Variants in ENOX1 observed in about 807,000 individuals in gnomAD.
The protein encoded by ENOX1 is ecto-NOX disulfide-thiol exchanger 1, also known as candidate growth-related and time keeping constitutive hydroquinone (NADH) oxidase.
ENOX1 carries 42 observed loss-of-function variants against 82.5 expected under a neutral mutation model. The ratio of observed to expected loss-of-function variants is 0.51; its 90% CI spans 0.40 to 0.66. The LOEUF is 0.66. Ranked by LOEUF, ENOX1 falls within the 30% of genes least tolerant of loss-of-function variation. The pLI is 0.00. For synonymous variants in ENOX1, 271 were observed against 282.2 expected, an observed-to-expected ratio of 0.96 and a Z score of 0.40; for missense variants, 608 against 811.6, an observed-to-expected ratio of 0.75 and a Z score of 3.05.
chr13:43,337,352 G>A lies in ENOX1; in HGVS notation c.1036+7186C>T, dbSNP rs1258703900. 2.0e-5 allele frequency among the ~76,000 whole-genome samples: 3 copies of A among 152,130 alleles called. 1 individual carries two copies. Among genetic ancestry groups the A allele is most frequent in the Non-Finnish European group, 4.4e-5 (3 of 68,032 alleles). On this transcript the variant is annotated intron_variant, in intron 9 of 16. Transcript: ENST00000690772. Reference sequence around the variant, plus strand: ...CTATTTAGCCTAAAATCTTGCTAGAGGGAAAATCAAGCAAACAAACCAATA... The same window carrying A: ...CTATTTAGCCTAAAATCTTGCTAGAAGGAAAATCAAGCAAACAAACCAATA...
chr13:43,723,763 G>T (rs1208578671), intron 1 of ENOX1, among the ~76,000 whole-genome samples: 4 of 150,482 alleles, frequency 2.7e-5, no homozygotes, highest in Non-Finnish European at 5.9e-5. Context: ...CTATACAAAT[G>T]CCTGAATCTA....
intron 2 of ENOX1, among the ~76,000 whole-genome samples, chr13:43,500,940 A>C (rs1206941374): frequency 6.6e-6 from 1 of 151,920 alleles, no homozygotes; most frequent in Non-Finnish European, 1.5e-5. Flanking sequence ...AAAAGATAGA[A>C]TAAAAGCTTA....
At chr13:43,250,372 G>A (rs764077844) in intron 14 of ENOX1, among the ~76,000 whole-genome samples, 12 of 152,136 alleles carry the variant, frequency 7.9e-5, no homozygotes, top group Non-Finnish European at 1.3e-4. Flanking sequence ...CTCTTCATTG[G>A]GCATGTGCTC....
chr13:43,380,038 TTTTC>T (rs1486402545), intron 5 of ENOX1, among the ~76,000 whole-genome samples: 1 of 151,866 alleles, frequency 6.6e-6, no homozygotes, highest in Non-Finnish European at 1.5e-5. Context: ...AAAAAAAATC[TTTTC>T]TTTAACTTTT....
intron 1 of ENOX1, among the ~76,000 whole-genome samples, chr13:43,714,319 G>C (rs985606794): frequency 6.6e-6 from 1 of 152,090 alleles, no homozygotes; most frequent in Non-Finnish European, 1.5e-5. Flanking sequence ...TTGCTGAGGA[G>C]TGCTTTACTT....
intron 1 of ENOX1, among the ~76,000 whole-genome samples, chr13:43,726,718 TTGTG>T (rs55918525): frequency 0.055 from 7,900 of 144,698 alleles, 211 homozygotes; most frequent in African/African-American, 0.085. Context: ...GCATTGACTT[TTGTG>T]TGTGTGTGTG....
At position 43,362,621 on chromosome 13, in the gene ENOX1, A is replaced by G. The variant is rs1488228087; in HGVS notation, c.209-1169T>C. 2.7e-5 allele frequency among the ~76,000 whole-genome samples: 4 copies of G among 150,780 alleles called. No individual in the cohort carries two copies. The East Asian group carries it at 7.8e-4, about 29-fold the overall frequency. ...GTGCCTTAGGCCTCCGCATGGCCTC[A>G]CTCTTCGCTTACCTGTGCTGAAAGG... On this transcript the variant is annotated intron_variant, in intron 5 of 16. Transcript: ENST00000690772.
intron 2 of ENOX1, among the ~76,000 whole-genome samples, chr13:43,559,343 T>A (rs1455916790): frequency 6.6e-6 from 1 of 152,242 alleles, no homozygotes; most frequent in African/African-American, 2.4e-5. Flanking sequence ...TCTTCTTTAG[T>A]TAGAACTATT....
At chr13:43,590,513 G>T (rs890066635) in intron 2 of ENOX1, among the ~76,000 whole-genome samples, 1 of 152,080 alleles carries the variant, frequency 6.6e-6, no homozygotes, top group African/African-American at 2.4e-5. Flanking sequence ...GGTGGCTCAC[G>T]CCTGTAACCT....
At chr13:43,758,072 C>A (rs1031110095) in intron 1 of ENOX1, among the ~76,000 whole-genome samples, 1 of 152,000 alleles carries the variant, frequency 6.6e-6, no homozygotes, top group Non-Finnish European at 1.5e-5. Flanking sequence ...CCAATCTCTA[C>A]TAAAAATACA....
At chr13:43,721,101 C>T (rs377602534) in intron 1 of ENOX1, among the ~76,000 whole-genome samples, 3 of 152,062 alleles carry the variant, frequency 2.0e-5, no homozygotes, top group African/African-American at 7.2e-5. Context: ...TGTGCACATA[C>T]CAAGAAGTGA....
intron 2 of ENOX1, among the ~76,000 whole-genome samples, chr13:43,533,034 A>T (rs148928185): frequency 6.6e-6 from 1 of 152,278 alleles, no homozygotes; most frequent in African/African-American, 2.4e-5. Flanking sequence ...TGCAGTTTAT[A>T]ACAGCACTTT....
chr13:43,295,472 T>C (rs4942199), intron 12 of ENOX1, among the ~76,000 whole-genome samples: 145,167 of 152,332 alleles, frequency 0.95, 69,596 homozygotes, highest in East Asian at 1. Flanking sequence ...AACTGTGTGA[T>C]GTCAGTGAAC....
chr13:43,433,177 C>T (rs2055788486), intron 3 of ENOX1, among the ~76,000 whole-genome samples: 1 of 152,178 alleles, frequency 6.6e-6, no homozygotes, highest in Admixed American at 6.5e-5. Context: ...GAGGCCGTTT[C>T]ATGCTGCATC....
At position 43,649,804 on chromosome 13, in the gene ENOX1, G is replaced by A. The variant is rs186107726; in HGVS notation, c.-219+17675C>T. On this transcript the variant is annotated intron_variant, in intron 2 of 16. Coordinates refer to ENST00000690772, the MANE Select transcript of ENOX1 (RefSeq NM_001347969.2). Reference sequence around the variant, plus strand: ...ACCAAAAGTCCCTTGGCCTCCTAGCGCTACAGATATGTTGTATTTAAGGCA... The same window carrying A: ...ACCAAAAGTCCCTTGGCCTCCTAGCACTACAGATATGTTGTATTTAAGGCA... Among the ~76,000 whole-genome samples, 50 of 152,210 alleles carry A rather than the reference G, an allele frequency of 3.3e-4. 1 individual carries two copies. In the East Asian group the frequency reaches 5.6e-3, roughly 17 times the overall value.
chr13:43,500,605 A>T (rs78312899), intron 2 of ENOX1, among the ~76,000 whole-genome samples: 1,571 of 152,144 alleles, frequency 0.01, 30 homozygotes, highest in African/African-American at 0.036. Flanking sequence ...AAGTTGTTAC[A>T]AAAGGATACT....
At chr13:43,458,712 A>T (rs1338719510) in intron 3 of ENOX1, among the ~76,000 whole-genome samples, 3 of 152,204 alleles carry the variant, frequency 2.0e-5, no homozygotes, top group Admixed American at 6.5e-5. Flanking sequence ...CTACAAAATT[A>T]GGAGGTTATA....
At chr13:43,391,637 T>A (rs1056780458) in intron 5 of ENOX1, among the ~76,000 whole-genome samples, 2 of 152,158 alleles carry the variant, frequency 1.3e-5, no homozygotes, top group Admixed American at 6.5e-5. Context: ...CACTCCCCTG[T>A]CATCTAATCC....
intron 14 of ENOX1, among the ~76,000 whole-genome samples, chr13:43,243,104 C>T (rs549396239): frequency 1.4e-5 from 2 of 145,768 alleles, no homozygotes; most frequent in Admixed American, 1.4e-4. Flanking sequence ...CCACTGCACT[C>T]CAGCCTGGGC....
Sources: gnomAD v4.1 joint callset for allele counts (sites outside exome capture counted in the v4.1 genomes callset) on GRCh38, gnomAD v4.1.1 for gene constraint, MANE v1.5 for transcripts, NCBI Gene and HGNC (gene_info 2026-07-23, HGNC 2026-07-21) for gene names.